VWF: variants seen among roughly 807,000 people sequenced by gnomAD.
VWF encodes the protein von Willebrand factor.
In VWF, 176 loss-of-function variants were observed where a neutral mutation model predicts 308.6. That is an observed-to-expected ratio of 0.57 (90% CI 0.50 to 0.65). The LOEUF (loss-of-function observed/expected upper bound fraction) is 0.65. Ranked by LOEUF, VWF falls within the 30% of genes least tolerant of loss-of-function variation. The pLI is 0.00. For missense variants in VWF, 3,146 were observed against 3,648.2 expected, an observed-to-expected ratio of 0.86 and a Z score of 3.55; for synonymous variants, 1,385 against 1,443.4, an observed-to-expected ratio of 0.96 and a Z score of 0.92.
At chr12:5,992,844 C>T (rs1490512265) in intron 37 of VWF, among the ~76,000 whole-genome samples, 7 of 152,136 alleles carry the variant, frequency 4.6e-5, no homozygotes, top group East Asian at 1.9e-4. Flanking sequence ...AGGAGGTACA[C>T]AAAGAAATCA....
intron 47 of VWF, among the ~76,000 whole-genome samples, chr12:5,964,246 A>ATG (rs1565811138): frequency 2.3e-5 from 3 of 133,244 alleles, no homozygotes; most frequent in Non-Finnish European, 3.1e-5. Context: ...ATACATACAT[A>ATG]CATGCATACA....
At chr12:6,103,467 CATATGTGTGTATATACAT>C (rs1945202599) in intron 5 of VWF, among the ~76,000 whole-genome samples, 1 of 46,774 alleles carries the variant, frequency 2.1e-5, no homozygotes, top group Non-Finnish European at 3.6e-5. Flanking sequence ...TGTATATACA[CATATGTGTGTATATACAT>C]ATATGTGTAT....
chr12:5,975,047 C>G lies in VWF; in HGVS notation c.7437+1064G>C, dbSNP rs144022679. On this transcript the variant is annotated intron_variant, in intron 43 of 51. Coordinates refer to ENST00000261405, the MANE Select transcript of VWF (RefSeq NM_000552.5). Reference sequence around the variant, plus strand: ...GATGGCCTGTGAGAGGAGAAGAAAACCAAAGGGTTTCCAAAACTTAGTGTT... The same window carrying G: ...GATGGCCTGTGAGAGGAGAAGAAAAGCAAAGGGTTTCCAAAACTTAGTGTT... Among the ~76,000 whole-genome samples the G allele has an allele frequency of 1.6e-3, 251 of 152,284 alleles. 1 individual carries two copies. The highest frequency in any genetic ancestry group is 6.8e-3 in the Middle Eastern group (2 of 294).
chr12:6,077,888 C>T (rs1223052461), intron 6 of VWF, among the ~76,000 whole-genome samples: 2 of 152,184 alleles, frequency 1.3e-5, no homozygotes, highest in African/African-American at 2.4e-5. Context: ...TTCAGCCCAG[C>T]GTCTTCCCCA....
intron 6 of VWF, among the ~76,000 whole-genome samples, chr12:6,085,374 T>G (rs1944957287): frequency 6.6e-6 from 1 of 152,246 alleles, no homozygotes; most frequent in African/African-American, 2.4e-5. Flanking sequence ...CAGTCTTTCA[T>G]GGTTTAATTT....
intron 10 of VWF, among the ~76,000 whole-genome samples, chr12:6,070,727 A>G (rs1944769935): frequency 6.6e-6 from 1 of 152,194 alleles, no homozygotes; most frequent in South Asian, 2.1e-4. Context: ...AATAGAATAG[A>G]GTTGGGGCCA....
chr12:6,033,591 C>T (rs1249850932), intron 20 of VWF, among the ~76,000 whole-genome samples: 1 of 152,234 alleles, frequency 6.6e-6, no homozygotes, highest in Non-Finnish European at 1.5e-5. Flanking sequence ...TCTGGGAAAG[C>T]TCTAAAGGGG....
At chr12:5,986,148 T>C (rs932510148) in intron 38 of VWF, among the ~76,000 whole-genome samples, 1 of 152,194 alleles carries the variant, frequency 6.6e-6, no homozygotes, top group Non-Finnish European at 1.5e-5. Flanking sequence ...AGTTCTCTGA[T>C]TTTTCAAATG....
chr12:5,991,661 C>T (rs550986601), intron 38 of VWF, among the ~76,000 whole-genome samples, 158 bp downstream of exon 38: 1 of 152,334 alleles, frequency 6.6e-6, no homozygotes, highest in African/African-American at 2.4e-5. Context: ...TATCTGAATG[C>T]AAGGCCATTA....
At chr12:6,012,191 C>T in intron 32 of VWF, 61 bp from the exon 33 acceptor site, 1 of 1,584,424 alleles carries the variant, frequency 6.3e-7, no homozygotes, top group East Asian at 2.2e-5. Context: ...CTGAACCATT[C>T]ACAATGTCTG....
chr12:6,003,672 G>A (rs1565826083), intron 34 of VWF, among the ~76,000 whole-genome samples: 1 of 152,118 alleles, frequency 6.6e-6, no homozygotes, highest in African/African-American at 2.4e-5. Flanking sequence ...AAAGCAAAAT[G>A]GTTGTTGCCA....
At chr12:6,013,303 G>A (rs1269808802) in intron 32 of VWF, among the ~76,000 whole-genome samples, 178 bp downstream of exon 32, 4 of 152,132 alleles carry the variant, frequency 2.6e-5, no homozygotes, top group African/African-American at 9.7e-5. Context: ...GGGGGCTTGT[G>A]GTATACACCT....
At chr12:6,022,075 C>T in intron 26 of VWF, 40 bp from the exon 27 acceptor site, 1 of 1,613,444 alleles carries the variant, frequency 6.2e-7, no homozygotes, top group Non-Finnish European at 8.5e-7. Flanking sequence ...AAACGCTCCC[C>T]TTTCCCACGA....
intron 34 of VWF, among the ~76,000 whole-genome samples, chr12:6,010,232 C>G (rs1233699214): frequency 6.6e-6 from 1 of 152,024 alleles, no homozygotes; most frequent in East Asian, 1.9e-4. Context: ...AATGTTTAAC[C>G]TCACTCATCA....
intron 45 of VWF, 107 bp downstream of exon 45, chr12:5,969,104 C>G: frequency 7.7e-7 from 1 of 1,297,936 alleles, no homozygotes; most frequent in South Asian, 1.3e-5. Context: ...TCGGTCCTAT[C>G]CATTTCCCTA....
At chr12:6,029,200 G>A (rs1259753541) in intron 22 of VWF, 142 bp downstream of exon 22, 4 of 1,054,456 alleles carry the variant, frequency 3.8e-6, no homozygotes, top group Non-Finnish European at 5.7e-6. Flanking sequence ...TCAACAAGAA[G>A]AGCTAACTAT....
Position 6,105,291 on chromosome 12 carries a change from C to T in VWF, c.532+5083G>A, listed in dbSNP as rs1002340181. 4.6e-5 allele frequency among the ~76,000 whole-genome samples: 7 copies of T among 152,178 alleles called. No homozygotes were observed. The East Asian group carries it at 9.7e-4, about 21-fold the overall frequency. On this transcript the variant is annotated intron_variant, in intron 5 of 51. Transcript: ENST00000261405. ...TCACCCAGGCTAGAGTGCAGTGGGG[C>T]GATCTCGGCTCATTGCAACCTCCGT...
At chr12:6,119,962 T>G (rs533715016) in intron 3 of VWF, among the ~76,000 whole-genome samples, 3 of 151,108 alleles carry the variant, frequency 2.0e-5, no homozygotes, top group East Asian at 3.9e-4. Flanking sequence ...CATGGAGGAG[T>G]GGGAAGGATG....
rs544545969 is a variant in VWF, at chr12:6,040,727, A to G, written c.2442+3564T>C. Reference sequence around the variant, plus strand: ...TAGCAAAGGGACCCCCATCCTCCTCATTCCCATGCCAGGAGACCTTTGCAC... The same window carrying G: ...TAGCAAAGGGACCCCCATCCTCCTCGTTCCCATGCCAGGAGACCTTTGCAC... On this transcript the variant is annotated intron_variant, in intron 18 of 51. Coordinates refer to ENST00000261405, the MANE Select transcript of VWF (RefSeq NM_000552.5). Among the ~76,000 whole-genome samples, 140 of 152,318 alleles carry G rather than the reference A, an allele frequency of 9.2e-4. 1 individual carries two copies. The highest frequency in any genetic ancestry group is 3.2e-3 in the African/African-American group (133 of 41,564).
Sources: allele counts gnomAD v4.1 joint callset (sites outside exome capture counted in the v4.1 genomes callset), GRCh38; gene constraint gnomAD v4.1.1; transcripts MANE v1.5; gene names NCBI Gene and HGNC (gene_info 2026-07-23, HGNC 2026-07-21).